Variants in PHF3 observed in about 807,000 individuals in gnomAD.
The protein encoded by PHF3 is PHD finger protein 3.
In PHF3, 41 loss-of-function variants were observed where a neutral mutation model predicts 178.4. The ratio of observed to expected loss-of-function variants is 0.23; its 90% CI spans 0.18 to 0.30. The LOEUF (loss-of-function observed/expected upper bound fraction) is 0.30, where lower values mean the gene tolerates loss of function less well. PHF3 is among the 10% of genes least tolerant of loss of function. PHF3 has a pLI of 1.00. For synonymous variants in PHF3, 842 were observed against 800.5 expected (o/e 1.05, Z -0.88); for missense variants, 2,346 against 2,398.1 (o/e 0.98, Z 0.45).
chr6:63,708,170 C>CGCT, intron 13 of PHF3, among the ~76,000 whole-genome samples: 1 of 152,194 alleles, frequency 6.6e-6, no homozygotes, highest in Middle Eastern at 3.4e-3. Context: ...CCCAGCCTAG[C>CGCT]AGTGTGTTTT....
chr6:63,720,912 C>A lies in PHF3; in HGVS notation c.*7204C>A. On this transcript the variant is annotated 3_prime_UTR_variant, in exon 16 of 16. Transcript: ENST00000262043. The stretch of plus-strand genomic sequence containing the variant: ...AACTACATGGTGCCATTTATTACAA[C>A]AGAATGTGCCATTGTTATAGCTCAT... The A allele has an allele frequency of 6.4e-7, 1 of 1,551,060 alleles. No homozygotes were observed. The highest frequency in any genetic ancestry group is 8.7e-7 in the Non-Finnish European group (1 of 1,146,562).
At chr6:63,659,289 A>G (rs1371296302) in intron 2 of PHF3, among the ~76,000 whole-genome samples, 1 of 152,246 alleles carries the variant, frequency 6.6e-6, no homozygotes, top group Non-Finnish European at 1.5e-5. Flanking sequence ...CAAATTAACC[A>G]TCACAGTAAG....
At position 63,719,366 on chromosome 6, in the gene PHF3, C is replaced by T. The variant is rs533314349; in HGVS notation, c.*5658C>T. The stretch of plus-strand genomic sequence containing the variant: ...TCTCTAATTACTTGATGATTAATTT[C>T]ATATTTTTCCTTTTGAACATTACAT... On this transcript the variant is annotated 3_prime_UTR_variant, in exon 16 of 16. Transcript: ENST00000262043. 1.3e-5 allele frequency among the ~76,000 whole-genome samples: 2 copies of T among 152,148 alleles called. No homozygotes were observed. Among genetic ancestry groups the T allele is most frequent in the South Asian group, 4.1e-4 (2 of 4,828 alleles).
At chr6:63,641,217 TTGTC>T (rs1183242958) in intron 1 of PHF3, among the ~76,000 whole-genome samples, 1 of 152,228 alleles carries the variant, frequency 6.6e-6, no homozygotes, top group African/African-American at 2.4e-5. Context: ...TTCTGGGTCT[TTGTC>T]TGGATTGCTC....
chr6:63,668,414 G>A lies in PHF3; in HGVS notation c.245-11586G>A, dbSNP rs1047404573. Among the ~76,000 whole-genome samples, 5 of 152,062 alleles carry A rather than the reference G, an allele frequency of 3.3e-5. No individual in the cohort carries two copies. In the East Asian group the frequency reaches 9.6e-4, roughly 29 times the overall value. ...AGTGGCGTGATCATGGCTCACTACA[G>A]CCTCGACCTCCTGGGCTTAAGTGAT... On this transcript the variant is annotated intron_variant, in intron 2 of 15. Coordinates refer to ENST00000262043, the MANE Select transcript of PHF3 (RefSeq NM_001370348.2).
chr6:63,711,428 G>A, intron 15 of PHF3, 66 bp downstream of exon 15: 1 of 1,410,514 alleles, frequency 7.1e-7, no homozygotes, highest in Admixed American at 2.1e-5. Context: ...AGAGTGAAAA[G>A]ACTGATTCTG....
Position 63,687,037 on chromosome 6 carries a change from C to A in PHF3, c.2189+1126C>A, listed in dbSNP as rs79216306. Among the ~76,000 whole-genome samples, 8 of 152,290 alleles carry A rather than the reference C, an allele frequency of 5.3e-5. No individual in the cohort carries two copies. The East Asian group carries it at 1.3e-3, about 26-fold the overall frequency. On this transcript the variant is annotated intron_variant, in intron 4 of 15. Transcript: ENST00000262043. Reference sequence around the variant, plus strand: ...AAGGGTTAGTTTATAACAATATATTCCAGTTTTTAAAAGTTGTCACTTGTT... The same window carrying A: ...AAGGGTTAGTTTATAACAATATATTACAGTTTTTAAAAGTTGTCACTTGTT...
chr6:63,656,136 G>A (rs1237805598), intron 2 of PHF3, among the ~76,000 whole-genome samples: 2 of 152,212 alleles, frequency 1.3e-5, no homozygotes, highest in Non-Finnish European at 2.9e-5. Flanking sequence ...GCCCAAGGCC[G>A]GAGCTTTCCA....
Position 63,689,628 on chromosome 6 carries a change from C to T in PHF3, c.2190-2109C>T, listed in dbSNP as rs1766907518. Among the ~76,000 whole-genome samples the T allele has an allele frequency of 2.0e-5, 3 of 152,132 alleles. No homozygotes were observed. In the South Asian group the frequency reaches 6.2e-4, roughly 32 times the overall value. ...ACTATTAAGATACATCTGTAGATGG[C>T]ACTAGAGTTTTGCTTTTTATAGCCT... On this transcript the variant is annotated intron_variant, in intron 4 of 15. Coordinates refer to ENST00000262043, the MANE Select transcript of PHF3 (RefSeq NM_001370348.2).
Position 63,658,708 on chromosome 6 carries a change from T to TTGTG in PHF3, c.244+11959_244+11962dup, listed in dbSNP as rs3071174. ...TCCAGAGAAACAGAACCAATAGATT[T>TTGTG]TGTGTGTGTGTGTGTGTGTGTGTGT... On this transcript the variant is annotated intron_variant, in intron 2 of 15. Coordinates refer to ENST00000262043, the MANE Select transcript of PHF3 (RefSeq NM_001370348.2). 6.9e-3 allele frequency among the ~76,000 whole-genome samples: 1,001 copies of TTGTG among 145,272 alleles called. 8 individuals are homozygous for TTGTG. The highest frequency in any genetic ancestry group is 0.013 in the East Asian group (63 of 4,888).
chr6:63,663,881 T>C (rs1469812173), intron 2 of PHF3, among the ~76,000 whole-genome samples: 1 of 152,020 alleles, frequency 6.6e-6, no homozygotes, highest in Non-Finnish European at 1.5e-5. Flanking sequence ...TTGATTCCAC[T>C]CAATAAAAAA....
chr6:63,664,452 A>G (rs964892809), intron 2 of PHF3, among the ~76,000 whole-genome samples: 1 of 152,108 alleles, frequency 6.6e-6, no homozygotes, highest in East Asian at 1.9e-4. Flanking sequence ...AGGTAAGATA[A>G]CCAAACTTTT....
At position 63,715,782 on chromosome 6, in the gene PHF3, T is replaced by C. The variant is rs1300511243; in HGVS notation, c.*2074T>C. Among the ~76,000 whole-genome samples the C allele has an allele frequency of 6.6e-6, 1 of 152,050 alleles. No homozygotes were observed. Among genetic ancestry groups the C allele is most frequent in the African/African-American group, 2.4e-5 (1 of 41,410 alleles). ...GGAGAATAGGGAAGGTATGGTCATA[T>C]TAGCTATTTGAGGTTTTCCTTTTGA... On this transcript the variant is annotated 3_prime_UTR_variant, in exon 16 of 16. Transcript: ENST00000262043.
chr6:63,707,974 T>C (rs1489008197), intron 13 of PHF3, among the ~76,000 whole-genome samples: 8 of 152,044 alleles, frequency 5.3e-5, no homozygotes, highest in Admixed American at 3.9e-4. Flanking sequence ...TCAACCATTC[T>C]CCTGTCTCAG....
chr6:63,702,482 A>G (rs905464505), intron 9 of PHF3, 26 bp from the exon 10 acceptor site: 4 of 1,474,294 alleles, frequency 2.7e-6, no homozygotes, highest in African/African-American at 1.4e-5. Context: ...TAAATTTAAT[A>G]TTTTTAAAAA....
intron 1 of PHF3, among the ~76,000 whole-genome samples, chr6:63,646,306 A>G (rs1243481963): frequency 1.3e-5 from 2 of 152,130 alleles, no homozygotes; most frequent in Non-Finnish European, 2.9e-5. Flanking sequence ...TTCTGGTAAA[A>G]TGATATACTA....
chr6:63,671,236 A>G (rs1163873759), intron 2 of PHF3, among the ~76,000 whole-genome samples: 1 of 152,162 alleles, frequency 6.6e-6, no homozygotes, highest in East Asian at 1.9e-4. Context: ...AGTGATTGGT[A>G]CTGTACTGTT....
intron 2 of PHF3, among the ~76,000 whole-genome samples, chr6:63,674,209 T>C (rs1448256683): frequency 6.6e-6 from 1 of 151,330 alleles, no homozygotes; most frequent in Non-Finnish European, 1.5e-5. Flanking sequence ...ATTGAGACAA[T>C]ATGAAGCCCT....
In PHF3 at chr6:63,670,259, T is replaced by G. The variant is rs558831458; in HGVS notation, c.245-9741T>G. Among the ~76,000 whole-genome samples the G allele has an allele frequency of 6.6e-5, 10 of 152,178 alleles. No homozygotes were observed. The South Asian group carries it at 1.4e-3, about 22-fold the overall frequency. On this transcript the variant is annotated intron_variant, in intron 2 of 15. Transcript: ENST00000262043. Reference sequence around the variant, plus strand: ...ACTATGTGATGGAGTAGAGGTGTTTTTTGTTTTTTTGTTTTTTTGCTTTTT... The same window carrying G: ...ACTATGTGATGGAGTAGAGGTGTTTGTTGTTTTTTTGTTTTTTTGCTTTTT...
Sources: allele counts gnomAD v4.1 joint callset (sites outside exome capture counted in the v4.1 genomes callset), GRCh38; gene constraint gnomAD v4.1.1; transcripts MANE v1.5; gene names NCBI Gene and HGNC (gene_info 2026-07-23, HGNC 2026-07-21).